Variants in CAB39 observed in about 807,000 individuals in gnomAD.
CAB39 encodes the protein calcium-binding protein 39.
In CAB39, 8 loss-of-function variants were observed where a neutral mutation model predicts 40.0. That is an observed-to-expected ratio of 0.20 (90% CI 0.12 to 0.36). The LOEUF (loss-of-function observed/expected upper bound fraction) is 0.36. Ranked by LOEUF, CAB39 falls within the 10% of genes least tolerant of loss-of-function variation. The pLI, the probability that CAB39 is intolerant of heterozygous loss-of-function variation, is 1.00. For missense variants in CAB39, 270 were observed against 401.1 expected (o/e 0.67, Z 2.79); for synonymous variants, 156 against 141.6 (o/e 1.10, Z -0.72).
At chr2:230,785,580 G>C (rs1402726065) in intron 2 of CAB39, among the ~76,000 whole-genome samples, 1 of 152,082 alleles carries the variant, frequency 6.6e-6, no homozygotes, top group African/African-American at 2.4e-5. Flanking sequence ...AAGCAGATGA[G>C]GATTAATGTA....
At position 230,790,864 on chromosome 2, in the gene CAB39, A is replaced by C; in HGVS notation, c.115-8A>C. The C allele has an allele frequency of 6.3e-7, 1 of 1,593,044 alleles. No individual in the cohort carries two copies. Among genetic ancestry groups the C allele is most frequent in the Non-Finnish European group, 8.5e-7 (1 of 1,173,300 alleles). ...TCTCCTCTTCCCAACTCCTCTCTCT[A>C]AAATTAGGCTACAGAAGAAGTTTCC... On this transcript the variant is annotated splice_polypyrimidine_tract_variant and splice_region_variant and intron_variant, in intron 2 of 8. Transcript: ENST00000258418.
At chr2:230,751,446 GCTTATGGACCTTTTGA>G (rs1289415483) in intron 1 of CAB39, among the ~76,000 whole-genome samples, 1 of 152,138 alleles carries the variant, frequency 6.6e-6, no homozygotes, top group African/African-American at 2.4e-5. Context: ...CTGCTGACTG[GCTTATGGACCTTTTGA>G]CTTATGGACC....
chr2:230,713,668 AC>A (rs1694294972), intron 1 of CAB39: 1 of 152,260 alleles, frequency 6.6e-6, no homozygotes, highest in African/African-American at 2.4e-5. Context: ...CAGCTTTGTG[AC>A]CAATTCAGGA....
chr2:230,818,740 C>T lies in CAB39; in HGVS notation c.*36C>T. 6.5e-7 allele frequency: 1 copy of T among 1,542,128 alleles called. No homozygotes were observed. Among genetic ancestry groups the T allele is most frequent in the Non-Finnish European group, 8.9e-7 (1 of 1,119,504 alleles). Reference sequence around the variant, plus strand: ...ACATCTATGTTAAATCCAAATTCAGCATTTGCTGTTAGCTATTCAGCATCA... The same window carrying T: ...ACATCTATGTTAAATCCAAATTCAGTATTTGCTGTTAGCTATTCAGCATCA... On this transcript the variant is annotated 3_prime_UTR_variant, in exon 9 of 9. Transcript: ENST00000258418.
At chr2:230,761,996 G>A (rs1193069948) in intron 2 of CAB39, among the ~76,000 whole-genome samples, 5 of 151,800 alleles carry the variant, frequency 3.3e-5, no homozygotes, top group Non-Finnish European at 7.4e-5. Context: ...TAACCTCTAC[G>A]TTCCATGTTC....
At chr2:230,786,432 G>A (rs952334732) in intron 2 of CAB39, among the ~76,000 whole-genome samples, 2 of 152,002 alleles carry the variant, frequency 1.3e-5, no homozygotes, top group Admixed American at 1.3e-4. Flanking sequence ...CCATTTGAAG[G>A]GTACAATTCA....
chr2:230,817,863 G>A lies in CAB39; in HGVS notation c.803G>A (p.Arg268His). ...LMMNLLRDKS[R>H]NIQFEAFHVF... ...ATGAACCTGCTGCGAGACAAAAGTC[G>A]CAACATCCAGTTTGAGGCCTTTCAC... The change falls in exon 8 of 9, where the codon CGC becomes CAC. Residue 268 changes from arginine (R) to histidine (H), a missense_variant. Arg to His is a conservative substitution (Grantham distance 29, BLOSUM62 0). Transcript: ENST00000258418. 4.3e-6 allele frequency: 7 copies of A among 1,612,862 alleles called. No homozygotes were observed. Among genetic ancestry groups the A allele is most frequent in the Non-Finnish European group, 5.9e-6 (7 of 1,179,670 alleles).
intron 1 of CAB39, among the ~76,000 whole-genome samples, chr2:230,748,278 T>A (rs1366146916): frequency 1.3e-5 from 2 of 152,144 alleles, no homozygotes; most frequent in Non-Finnish European, 2.9e-5. Context: ...GAAGCTTGAT[T>A]TGATTCAGAA....
At chr2:230,776,124 A>G (rs966810404) in intron 2 of CAB39, among the ~76,000 whole-genome samples, 2 of 152,176 alleles carry the variant, frequency 1.3e-5, no homozygotes, top group African/African-American at 4.8e-5. Flanking sequence ...GGTGGAGATA[A>G]AGAGGAATGG....
intron 1 of CAB39, among the ~76,000 whole-genome samples, chr2:230,730,173 G>A (rs977180540): frequency 6.6e-5 from 10 of 152,030 alleles, no homozygotes; most frequent in Non-Finnish European, 1.5e-4. Flanking sequence ...TCAGCGGCAC[G>A]ATCATGGTTC....
chr2:230,803,947 C>G (rs113811166), intron 5 of CAB39, among the ~76,000 whole-genome samples: 4 of 152,172 alleles, frequency 2.6e-5, no homozygotes, highest in Admixed American at 6.5e-5. Flanking sequence ...CCAAGACAAT[C>G]GTAAGCACAA....
intron 1 of CAB39, among the ~76,000 whole-genome samples, chr2:230,743,763 T>A (rs1360394095): frequency 6.6e-6 from 1 of 152,142 alleles, no homozygotes; most frequent in Non-Finnish European, 1.5e-5. Flanking sequence ...AACTGCTGAT[T>A]GGGGCCAGTA....
intron 1 of CAB39, among the ~76,000 whole-genome samples, chr2:230,734,046 C>T (rs538688483): frequency 3.9e-5 from 6 of 152,302 alleles, no homozygotes; most frequent in South Asian, 2.1e-4. Context: ...ACTCGCAGCC[C>T]GCACTAGGCC....
At chr2:230,802,599 A>G (rs1031201943) in intron 5 of CAB39, among the ~76,000 whole-genome samples, 4 of 152,240 alleles carry the variant, frequency 2.6e-5, no homozygotes, top group Admixed American at 6.5e-5. Flanking sequence ...CCACAGAAAT[A>G]CAAACTACCA....
intron 2 of CAB39, among the ~76,000 whole-genome samples, chr2:230,775,959 A>G (rs1441972091): frequency 6.6e-6 from 1 of 152,226 alleles, no homozygotes; most frequent in African/African-American, 2.4e-5. Context: ...AGCAGTTCCT[A>G]CGTCTGTCAG....
intron 1 of CAB39, among the ~76,000 whole-genome samples, chr2:230,715,386 T>C (rs1575893142): frequency 6.6e-6 from 1 of 152,246 alleles, no homozygotes; most frequent in African/African-American, 2.4e-5. Flanking sequence ...AAGTTTTTCT[T>C]GGCAGGATGT....
rs374099769 is a variant in CAB39 at position 230,745,190 on chromosome 2, A to G, written c.-43-14769A>G. 5.9e-5 allele frequency among the ~76,000 whole-genome samples: 9 copies of G among 152,382 alleles called. No homozygotes were observed. In the East Asian group the frequency reaches 1.3e-3, roughly 23 times the overall value. ...TAAGAATTATTTAATACTTTAGATTACCAAAATGGAATTAATGGTCTACTT... is the reference window on the plus strand; with the variant it reads ...TAAGAATTATTTAATACTTTAGATTGCCAAAATGGAATTAATGGTCTACTT... On this transcript the variant is annotated intron_variant, in intron 1 of 8. Transcript: ENST00000258418.
chr2:230,818,333 C>T (rs945577973), intron 8 of CAB39, among the ~76,000 whole-genome samples, 183 bp from the exon 9 acceptor site: 15 of 152,172 alleles, frequency 9.9e-5, no homozygotes, highest in Non-Finnish European at 2.1e-4. Flanking sequence ...TGTGTTAAAA[C>T]ATGTAATTAT....
At chr2:230,713,938 C>T (rs1193675787) in intron 1 of CAB39, 1 of 152,318 alleles carries the variant, frequency 6.6e-6, no homozygotes, top group African/African-American at 2.4e-5. Context: ...TAGAACGGCA[C>T]CCGGAAAAAC....
Sources: gnomAD v4.1 joint callset for allele counts (sites outside exome capture counted in the v4.1 genomes callset) on GRCh38, gnomAD v4.1.1 for gene constraint, MANE v1.5 for transcripts, NCBI Gene and HGNC (gene_info 2026-07-23, HGNC 2026-07-21) for gene names.